SRFBP1: variants seen among roughly 807,000 people sequenced by gnomAD.
The protein encoded by SRFBP1 is serum response factor binding protein 1.
SRFBP1 carries 47 observed loss-of-function variants against 45.5 expected under a neutral mutation model. The observed-to-expected ratio is 1.03, with a 90% CI of 0.82 to 1.32. The LOEUF (loss-of-function observed/expected upper bound fraction) is 1.32. Ranked by LOEUF, SRFBP1 falls within the 40% of genes most tolerant of loss-of-function variation. The pLI is 0.00. For synonymous variants in SRFBP1, 203 were observed against 166.3 expected (o/e 1.22, Z -1.70); for missense variants, 621 against 484.6 (o/e 1.28, Z -2.64).
intron 2 of SRFBP1, among the ~76,000 whole-genome samples, chr5:122,042,381 C>T (rs1335354662): frequency 6.6e-6 from 1 of 152,114 alleles, no homozygotes; most frequent in Admixed American, 6.6e-5. Flanking sequence ...ATCCTCCTAC[C>T]TCAGCCTCCT....
chr5:122,022,347 T>A (rs746115206), intron 6 of SRFBP1, 23 bp from the exon 7 acceptor site: 3 of 1,596,750 alleles, frequency 1.9e-6, no homozygotes, highest in South Asian at 2.3e-5. Context: ...TAAAAAGTCA[T>A]AATGGTGTTT....
chr5:122,077,249 G>A (rs1754665112), downstream of SRFBP1: 1 of 1,534,572 alleles, frequency 6.5e-7, no homozygotes, highest in Non-Finnish European at 8.8e-7. This position sits in a 1 kb window ranked among gnomAD's most constrained non-coding sequence, Gnocchi z 4.9. Context: ...GGGAGGGATC[G>A]GATCTGCGAG....
chr5:122,026,894 A>G (rs748079144), intron 7 of SRFBP1, 48 bp from the exon 8 acceptor site: 8 of 1,286,834 alleles, frequency 6.2e-6, no homozygotes, highest in South Asian at 1.7e-5. Context: ...CTTCTCCTAT[A>G]TGCTCTTTAA....
At chr5:122,004,747 TA>T (rs1417970178) in intron 4 of SRFBP1, among the ~76,000 whole-genome samples, 67 of 152,276 alleles carry the variant, frequency 4.4e-4, no homozygotes, top group Middle Eastern at 3.4e-3. Flanking sequence ...AACTTGAAGT[TA>T]TTTATTTGAG....
intron 4 of SRFBP1, among the ~76,000 whole-genome samples, chr5:122,017,363 G>T (rs1753211779): frequency 6.6e-6 from 1 of 152,182 alleles, no homozygotes; most frequent in Non-Finnish European, 1.5e-5. Context: ...GCTACTGGTG[G>T]CTGATGCCAG....
chr5:122,051,490 C>G (rs568456416), intron 2 of SRFBP1, among the ~76,000 whole-genome samples: 6 of 150,196 alleles, frequency 4.0e-5, no homozygotes, highest in Non-Finnish European at 8.9e-5. Context: ...GAATTAAACG[C>G]TTTATCATTA....
chr5:122,061,453 C>G (rs1754167931), intron 2 of SRFBP1, among the ~76,000 whole-genome samples: 1 of 150,460 alleles, frequency 6.6e-6, no homozygotes, highest in Non-Finnish European at 1.5e-5. Flanking sequence ...AATTAAGAAA[C>G]AAACAAATTA....
intron 3 of SRFBP1, among the ~76,000 whole-genome samples, chr5:121,993,415 A>G (rs754999847): frequency 2.0e-5 from 3 of 152,178 alleles, no homozygotes; most frequent in Non-Finnish European, 4.4e-5. Context: ...ATCACAAACC[A>G]TGAAATATAA....
chr5:122,035,049 G>T (rs1219288015), intron 2 of SRFBP1, among the ~76,000 whole-genome samples: 48 of 147,488 alleles, frequency 3.3e-4, no homozygotes, highest in African/African-American at 9.5e-4. Flanking sequence ...TTTTTTTTTT[G>T]TTGTTGTTGT....
At chr5:122,002,619 T>TAGTAG (rs1752893858) in intron 4 of SRFBP1, among the ~76,000 whole-genome samples, 2 of 152,198 alleles carry the variant, frequency 1.3e-5, no homozygotes, top group Non-Finnish European at 2.9e-5. Context: ...CTGGCATCAT[T>TAGTAG]AGTAGTTCAT....
intron 2 of SRFBP1, among the ~76,000 whole-genome samples, chr5:122,068,602 C>A (rs1208239077): frequency 6.6e-6 from 1 of 152,106 alleles, no homozygotes; most frequent in Non-Finnish European, 1.5e-5. Context: ...CTGTACCTGA[C>A]AATGGGTATA....
At position 122,019,250 on chromosome 5, in the gene SRFBP1, A is replaced by T. The variant is rs1247736397; in HGVS notation, c.271-10A>T. ...ATTCCCATACGTTTATTATATTTTT[A>T]AATTTGCAGCCAGATTCTACTGCAA... On this transcript the variant is annotated splice_polypyrimidine_tract_variant and intron_variant, in intron 4 of 7. Coordinates refer to ENST00000339397, the MANE Select transcript of SRFBP1 (RefSeq NM_152546.3). 6.2e-6 allele frequency: 10 copies of T among 1,608,624 alleles called. No individual in the cohort carries two copies. Among genetic ancestry groups the T allele is most frequent in the African/African-American group, 2.7e-5 (2 of 74,740 alleles).
At chr5:121,966,327 A>T (rs1449605094) in intron 1 of SRFBP1, among the ~76,000 whole-genome samples, 5 of 152,208 alleles carry the variant, frequency 3.3e-5, no homozygotes, top group Admixed American at 2.6e-4. Flanking sequence ...TTTTTACTCT[A>T]TCCTGATGAT....
intron 1 of SRFBP1, among the ~76,000 whole-genome samples, chr5:121,967,262 T>A (rs1365223132): frequency 6.6e-6 from 1 of 152,244 alleles, no homozygotes; most frequent in Middle Eastern, 3.2e-3. Context: ...GCTTATGAAG[T>A]TACAAAACGC....
intron 4 of SRFBP1, among the ~76,000 whole-genome samples, chr5:122,004,754 T>G (rs1473337046): frequency 1.3e-5 from 2 of 152,204 alleles, no homozygotes; most frequent in African/African-American, 4.8e-5. Context: ...AGTTATTTAT[T>G]TGAGATCTCT....
chr5:122,005,103 GAGA>G (rs753725846), intron 4 of SRFBP1, among the ~76,000 whole-genome samples: 5 of 152,132 alleles, frequency 3.3e-5, no homozygotes, highest in Non-Finnish European at 7.4e-5. Context: ...TTGTGTTCTT[GAGA>G]AGAAGTATTC....
chr5:122,061,319 G>A (rs1033712067), intron 2 of SRFBP1, among the ~76,000 whole-genome samples: 3 of 151,782 alleles, frequency 2.0e-5, no homozygotes, highest in Non-Finnish European at 4.4e-5. Flanking sequence ...TATGTAAATT[G>A]AGAACTGGCA....
chr5:121,999,709 A>G (rs537660986), intron 4 of SRFBP1, among the ~76,000 whole-genome samples: 1 of 152,152 alleles, frequency 6.6e-6, no homozygotes, highest in East Asian at 1.9e-4. Flanking sequence ...CCCCGATAAT[A>G]TTTATTGTGC....
chr5:121,971,385 A>C (rs1752193636), intron 1 of SRFBP1, among the ~76,000 whole-genome samples: 1 of 152,018 alleles, frequency 6.6e-6, no homozygotes, highest in Non-Finnish European at 1.5e-5. Flanking sequence ...GCTACCTCTA[A>C]AGACCTTTAG....
Sources: allele counts gnomAD v4.1 joint callset (sites outside exome capture counted in the v4.1 genomes callset), GRCh38; gene constraint gnomAD v4.1.1; non-coding constraint Gnocchi (gnomAD v3.1); transcripts MANE v1.5; gene names NCBI Gene and HGNC (gene_info 2026-07-23, HGNC 2026-07-21).